The following SRL variants were observed in gnomAD, a reference collection of about 807,000 sequenced individuals.
SRL encodes sarcalumenin.
In SRL, 23 loss-of-function variants were observed where a neutral mutation model predicts 39.5. That is an observed-to-expected ratio of 0.58 (90% CI 0.42 to 0.82). The LOEUF (loss-of-function observed/expected upper bound fraction) is 0.82, where lower values mean the gene tolerates loss of function less well. SRL is among the 40% of genes least tolerant of loss of function. The probability of loss-of-function intolerance (pLI) is 0.00; values close to 1 mark genes in which losing one functional copy is unlikely to be tolerated. For synonymous variants in SRL, 272 were observed against 237.4 expected, an observed-to-expected ratio of 1.15 and a Z score of -1.34; for missense variants, 592 against 607.8, an observed-to-expected ratio of 0.97 and a Z score of 0.27.
intron 1 of SRL, among the ~76,000 whole-genome samples, chr16:4,213,480 C>T (rs967044529): frequency 7.3e-6 from 1 of 136,922 alleles, no homozygotes; most frequent in Non-Finnish European, 1.5e-5. Context: ...CACAATGACA[C>T]CTCACTGCAG....
intron 1 of SRL, among the ~76,000 whole-genome samples, chr16:4,237,840 T>C (rs1487578448): frequency 6.6e-6 from 1 of 152,120 alleles, no homozygotes; most frequent in Non-Finnish European, 1.5e-5. Context: ...TAAAACCTTT[T>C]CTGATCCGAT....
chr16:4,197,081 T>TGTGTG (rs1466128259), intron 4 of SRL, among the ~76,000 whole-genome samples: 2 of 60,378 alleles, frequency 3.3e-5, no homozygotes, highest in African/African-American at 1.2e-4. Flanking sequence ...TTTTTTTTTT[T>TGTGTG]TTTGTGAGAC....
intron 1 of SRL, among the ~76,000 whole-genome samples, chr16:4,205,574 G>T (rs1437110036): frequency 1.3e-5 from 2 of 149,038 alleles, no homozygotes; most frequent in African/African-American, 5.0e-5. Context: ...CTGCTGGGGG[G>T]AGTGAGTTAG....
chr16:4,220,310 A>ACACACACACACACACAC (rs1567185112), intron 1 of SRL, among the ~76,000 whole-genome samples: 9 of 49,192 alleles, frequency 1.8e-4, no homozygotes, highest in African/African-American at 8.3e-4. Flanking sequence ...CACACACACA[A>ACACACACACACACACAC]ATAACCGGGT....
At chr16:4,240,343 G>C (rs900012225) in intron 1 of SRL, among the ~76,000 whole-genome samples, 1 of 152,184 alleles carries the variant, frequency 6.6e-6, no homozygotes, top group Non-Finnish European at 1.5e-5. Context: ...ATGGGGGCGT[G>C]AGGAAGCCAC....
At chr16:4,221,107 G>A (rs774017208) in intron 1 of SRL, among the ~76,000 whole-genome samples, 4 of 151,400 alleles carry the variant, frequency 2.6e-5, no homozygotes, top group Admixed American at 1.3e-4. Flanking sequence ...GGAGTGCAGT[G>A]GCACTATCTC....
chr16:4,236,178 A>T (rs1341939418), intron 1 of SRL, among the ~76,000 whole-genome samples: 1 of 152,128 alleles, frequency 6.6e-6, no homozygotes, highest in Non-Finnish European at 1.5e-5. Context: ...CCCAAACTTA[A>T]TTTTTAAAGG....
At chr16:4,204,768 C>G in intron 1 of SRL, 134 bp from the exon 2 acceptor site, 1 of 688,676 alleles carries the variant, frequency 1.5e-6, no homozygotes, top group Non-Finnish European at 2.5e-6. Flanking sequence ...CTGGACTGAG[C>G]TCTGCCTTTA....
chr16:4,238,969 G>A (rs868696494), intron 1 of SRL, among the ~76,000 whole-genome samples: 3 of 152,222 alleles, frequency 2.0e-5, no homozygotes, highest in African/African-American at 4.8e-5. Flanking sequence ...ACCCAGTCTA[G>A]TGCATTCCAG....
At chr16:4,213,265 G>C (rs990270393) in intron 1 of SRL, among the ~76,000 whole-genome samples, 1 of 152,056 alleles carries the variant, frequency 6.6e-6, no homozygotes, top group East Asian at 1.9e-4. Context: ...ACTGCAGGGA[G>C]ATTGGCAAGC....
chr16:4,204,499 C>T, intron 2 of SRL, 34 bp downstream of exon 2: 1 of 1,502,054 alleles, frequency 6.7e-7, no homozygotes, highest in South Asian at 1.2e-5. Context: ...GCCGGGCTCT[C>T]CCAGCCCTGG....
intron 1 of SRL, among the ~76,000 whole-genome samples, chr16:4,206,572 T>C (rs917690966): frequency 6.6e-6 from 1 of 151,812 alleles, no homozygotes. Context: ...CAGTGGCCAA[T>C]GCACAGCCTG....
At chr16:4,202,268 A>G (rs972373362) in intron 3 of SRL, among the ~76,000 whole-genome samples, 3 of 152,212 alleles carry the variant, frequency 2.0e-5, no homozygotes, top group Admixed American at 6.5e-5. Flanking sequence ...GCTTCACTAT[A>G]ACGATGTGTT....
At chr16:4,236,050 C>A (rs1264581489) in intron 1 of SRL, among the ~76,000 whole-genome samples, 1 of 151,990 alleles carries the variant, frequency 6.6e-6, no homozygotes, top group Non-Finnish European at 1.5e-5. Context: ...CTCCAGCCTG[C>A]GCAACAGAGT....
At chr16:4,209,783 T>A (rs2052370573) in intron 1 of SRL, among the ~76,000 whole-genome samples, 1 of 152,194 alleles carries the variant, frequency 6.6e-6, no homozygotes, top group Non-Finnish European at 1.5e-5. Flanking sequence ...TTAACCTTCT[T>A]TACGACTGTC....
At chr16:4,200,192 C>T (rs1567175807) in intron 3 of SRL, among the ~76,000 whole-genome samples, 2 of 152,202 alleles carry the variant, frequency 1.3e-5, no homozygotes, top group Admixed American at 6.5e-5. Context: ...ACACAGGAGA[C>T]ACTCACATCT....
intron 1 of SRL, among the ~76,000 whole-genome samples, chr16:4,214,674 G>A (rs1304318621): frequency 6.6e-6 from 1 of 152,124 alleles, no homozygotes; most frequent in African/African-American, 2.4e-5. Context: ...CGTGGACCGG[G>A]CAAACGTGGG....
intron 1 of SRL, among the ~76,000 whole-genome samples, chr16:4,228,007 G>T (rs892843148): frequency 1.1e-4 from 17 of 152,346 alleles, no homozygotes; most frequent in African/African-American, 4.1e-4. Flanking sequence ...CACTGCAGGA[G>T]CCCAGCCAGG....
Position 4,199,055 on chromosome 16 carries a change from AG to A in SRL, c.260-1141del, listed in dbSNP as rs559715678. Among the ~76,000 whole-genome samples, 25 of 152,290 alleles carry A rather than the reference AG, an allele frequency of 1.6e-4. No homozygotes were observed. The South Asian group carries it at 5.0e-3, about 30-fold the overall frequency. ...AGCTCTTCTCTGGACTACAGCACAGAGGGCCAGTCCTGCATAACTCAGCACT... is the reference window on the plus strand; with the variant it reads ...AGCTCTTCTCTGGACTACAGCACAGAGGCCAGTCCTGCATAACTCAGCACT... On this transcript the variant is annotated intron_variant, in intron 3 of 5. Coordinates refer to ENST00000399609, the MANE Select transcript of SRL (RefSeq NM_001098814.2).
Sources: gnomAD v4.1 joint callset for allele counts (sites outside exome capture counted in the v4.1 genomes callset) on GRCh38, gnomAD v4.1.1 for gene constraint, MANE v1.5 for transcripts, NCBI Gene and HGNC (gene_info 2026-07-23, HGNC 2026-07-21) for gene names.